The following AMDHD1 variants were observed in gnomAD, a reference collection of about 807,000 sequenced individuals.
The protein encoded by AMDHD1 is amidohydrolase domain containing 1, also known as probable imidazolonepropionase.
In AMDHD1, 45 loss-of-function variants were observed where a neutral mutation model predicts 44.1. The observed-to-expected ratio is 1.02, with a 90% CI of 0.80 to 1.31. The LOEUF (loss-of-function observed/expected upper bound fraction) is 1.31, where lower values mean the gene tolerates loss of function less well. AMDHD1 is among the 50% of genes most tolerant of loss of function. The probability of loss-of-function intolerance (pLI) is 0.00; values close to 1 mark genes in which losing one functional copy is unlikely to be tolerated. For missense variants in AMDHD1, 586 were observed against 552.1 expected (o/e 1.06, Z -0.61); for synonymous variants, 206 against 205.0 (o/e 1.00, Z -0.04).
At chr12:95,944,370 T>TA (rs2080483365) in intron 1 of AMDHD1, among the ~76,000 whole-genome samples, 1 of 151,208 alleles carries the variant, frequency 6.6e-6, no homozygotes, top group African/African-American at 2.4e-5. Context: ...TTTATTTATT[T>TA]ATTTTTGAGA....
intron 3 of AMDHD1, among the ~76,000 whole-genome samples, chr12:95,956,280 T>C (rs1324831510): frequency 1.3e-5 from 2 of 152,126 alleles, no homozygotes; most frequent in Non-Finnish European, 2.9e-5. Flanking sequence ...CCGCTAATTT[T>C]TGTATTTTTA....
intron 8 of AMDHD1, among the ~76,000 whole-genome samples, chr12:95,967,271 C>G (rs2080616345): frequency 6.6e-6 from 1 of 152,218 alleles, no homozygotes; most frequent in South Asian, 2.1e-4. Flanking sequence ...CCCACTGGGT[C>G]CCTCCCACAA....
At chr12:95,964,162 G>A (rs112093530) in intron 6 of AMDHD1, among the ~76,000 whole-genome samples, 1 of 152,048 alleles carries the variant, frequency 6.6e-6, no homozygotes, top group South Asian at 2.1e-4. Context: ...CTATACCAGC[G>A]GAGGCTGTCA....
rs1298756123 is a variant in AMDHD1, at chr12:95,968,502, T to C, written c.*659T>C. 2 of 152,206 alleles carry C rather than the reference T, an allele frequency of 1.3e-5. No individual in the cohort carries two copies. The highest frequency in any genetic ancestry group is 2.9e-5 in the Non-Finnish European group (2 of 68,032). 9.4% of individuals were successfully genotyped at this position (152,206 alleles called of 1,614,324 possible). Reference sequence around the variant, plus strand: ...TTACCAACTACAATCATGTAATTTTTTTGGAAATTTTTTAAAATTTTCGAT... The same window carrying C: ...TTACCAACTACAATCATGTAATTTTCTTGGAAATTTTTTAAAATTTTCGAT... On this transcript the variant is annotated 3_prime_UTR_variant, in exon 9 of 9. Transcript: ENST00000266736.
At chr12:95,965,171 T>C (rs2080603250) in intron 6 of AMDHD1, among the ~76,000 whole-genome samples, 1 of 151,600 alleles carries the variant, frequency 6.6e-6, no homozygotes. Flanking sequence ...TGGTGGTGGG[T>C]GCCTGTAGTC....
At chr12:95,960,853 T>C (rs1265969173) in intron 5 of AMDHD1, among the ~76,000 whole-genome samples, 5 of 152,154 alleles carry the variant, frequency 3.3e-5, no homozygotes, top group African/African-American at 9.7e-5. Flanking sequence ...GATATTAGTA[T>C]TAATAGCAAA....
chr12:95,965,850 C>A, intron 7 of AMDHD1, 71 bp downstream of exon 7: 2 of 1,047,200 alleles, frequency 1.9e-6, no homozygotes, highest in South Asian at 1.7e-5. Flanking sequence ...AAAAATATTT[C>A]ACTAGCTTTT....
chr12:95,951,382 C>T (rs1193022481), intron 1 of AMDHD1, among the ~76,000 whole-genome samples: 3 of 152,164 alleles, frequency 2.0e-5, no homozygotes, highest in African/African-American at 7.2e-5. Flanking sequence ...AACATAATGT[C>T]CTCCAGTTCT....
chr12:95,954,863 G>A (rs2080542412), intron 2 of AMDHD1, 48 bp from the exon 3 acceptor site: 2 of 1,585,026 alleles, frequency 1.3e-6, no homozygotes, highest in Non-Finnish European at 1.7e-6. Flanking sequence ...TGCTGTCTAA[G>A]TGCTCTCTAT....
chr12:95,948,209 AG>A (rs2080508781), intron 1 of AMDHD1, among the ~76,000 whole-genome samples: 1 of 127,946 alleles, frequency 7.8e-6, no homozygotes, highest in Non-Finnish European at 1.7e-5. Context: ...TCCGGGAGGG[AG>A]GTGGGGGGGT....
chr12:95,960,269 T>TACAAGC (rs2080574118), intron 4 of AMDHD1, 129 bp from the exon 5 acceptor site: 1 of 751,526 alleles, frequency 1.3e-6, no homozygotes, highest in Admixed American at 2.8e-5. Context: ...TTTGAGTCTT[T>TACAAGC]CTCTACCTTT....
In AMDHD1 at chr12:95,960,469, G is replaced by A. The variant is rs747931752; in HGVS notation, c.659G>A (p.Arg220Lys). ...CTCCCAAAGCTGAAGGAACTTGGCA[G>A]AAATGGGGAAATACACGTGGACAAT... ...NHLPKLKELG[R>K]NGEIHVDNID... is the part of the protein sequence containing the mutation. The change falls in exon 5 of 9, where the codon AGA becomes AAA. Residue 220 changes from arginine (R) to lysine (K), a missense_variant. By Grantham distance (26) the Arg-to-Lys change is conservative. Transcript: ENST00000266736. 6 of 1,614,134 alleles carry A rather than the reference G, an allele frequency of 3.7e-6. No homozygotes were observed. The highest frequency in any genetic ancestry group is 5.1e-6 in the Non-Finnish European group (6 of 1,180,060).
chr12:95,960,624 G>C lies in AMDHD1; in HGVS notation c.813+1G>C. On this transcript the variant is annotated splice_donor_variant, in intron 5 of 8. Transcript: ENST00000266736. LOFTEE classifies it high-confidence loss of function. Reference sequence around the variant, plus strand: ...ACTCCACCCGATGAAGGCTGCTGAGGTGTGGTTGACTTTTAGTTTTTCCCT... The same window carrying C: ...ACTCCACCCGATGAAGGCTGCTGAGCTGTGGTTGACTTTTAGTTTTTCCCT... The C allele has an allele frequency of 6.2e-7, 1 of 1,611,480 alleles. No individual in the cohort carries two copies. Among genetic ancestry groups the C allele is most frequent in the African/African-American group, 1.3e-5 (1 of 74,948 alleles).
chr12:95,957,030 G>A (rs917749965), intron 4 of AMDHD1, 68 bp downstream of exon 4: 9 of 1,582,028 alleles, frequency 5.7e-6, no homozygotes, highest in South Asian at 1.2e-5. Context: ...GGGTGGAGGC[G>A]CATTAGCACT....
Position 95,962,498 on chromosome 12 carries a change from C to A in AMDHD1, c.938+19C>A. On this transcript the variant is annotated intron_variant, in intron 6 of 8. Transcript: ENST00000266736. ...TGCTGAGGTAAGGTCGTTTCTCACCCCAGACCAAGAGCTGCAAGTACAAGC... is the reference window on the plus strand; with the variant it reads ...TGCTGAGGTAAGGTCGTTTCTCACCACAGACCAAGAGCTGCAAGTACAAGC... 1 of 1,523,506 alleles carries A rather than the reference C, an allele frequency of 6.6e-7. No homozygotes were observed. Among genetic ancestry groups the A allele is most frequent in the Non-Finnish European group, 8.8e-7 (1 of 1,141,098 alleles). The allele number at this position is 1,523,506 out of a possible 1,614,324, so 94.4% of individuals were successfully genotyped here.
rs1280345250 is a variant in AMDHD1 at position 95,952,975 on chromosome 12, A to ATAGC, written c.244+154_244+157dup. 8 of 563,800 alleles carry ATAGC rather than the reference A, an allele frequency of 1.4e-5. No individual in the cohort carries two copies. In the African/African-American group the frequency reaches 1.5e-4, roughly 11 times the overall value. The allele number at this position is 563,800 out of a possible 1,614,324, so 34.9% of individuals were successfully genotyped here. ...GTATTGAATTTCTATTATTGAATGT[A>ATAGC]TAGCTGCTTTCAAACATGGTTTCAC... On this transcript the variant is annotated intron_variant, in intron 2 of 8. Coordinates refer to ENST00000266736, the MANE Select transcript of AMDHD1 (RefSeq NM_152435.3).
chr12:95,966,408 G>A lies in AMDHD1; in HGVS notation c.1093G>A (p.Ala365Thr), dbSNP rs758787672. 14 of 1,614,104 alleles carry A rather than the reference G, an allele frequency of 8.7e-6. No homozygotes were observed. In the African/African-American group the frequency reaches 1.1e-4, roughly 12 times the overall value. ...AATGTCCATGCCTGAGGCCTTGGCC[G>A]CTGCCACCATCAATGCAGCTTATGC... is the stretch of plus-strand genomic sequence containing the variant. ...MRMSMPEALA[A>T]ATINAAYALG... The change falls in exon 8 of 9, where the codon GCT becomes ACT. Residue 365 changes from alanine (A) to threonine (T), a missense_variant. Transcript: ENST00000266736.
intron 4 of AMDHD1, among the ~76,000 whole-genome samples, chr12:95,957,310 T>C (rs1444215606): frequency 1.3e-5 from 2 of 152,242 alleles, no homozygotes; most frequent in Non-Finnish European, 2.9e-5. Flanking sequence ...TTAATAGTAA[T>C]GCTCTTTAAG....
Position 95,952,792 on chromosome 12 carries a change from A to G in AMDHD1, c.213A>G (p.Ile71Met). The G allele has an allele frequency of 6.2e-7, 1 of 1,611,614 alleles. No individual in the cohort carries two copies. The highest frequency in any genetic ancestry group is 8.5e-7 in the Non-Finnish European group (1 of 1,177,902). Residue 71 changes from isoleucine (I) to methionine (M), a missense_variant, in exon 2 of 9, where the codon ATA (isoleucine) becomes ATG (methionine). Ile to Met is a conservative substitution (Grantham distance 10). Transcript: ENST00000266736. The stretch of plus-strand genomic sequence containing the variant: ...TTTCTGGAGAAACTTTTGAAGAAAT[A>G]ATTGACTGCTCTGGGAAATGTATTC... The part of the protein sequence containing the change: ...RQFSGETFEE[I>M]IDCSGKCILP...
Sources: allele counts gnomAD v4.1 joint callset (sites outside exome capture counted in the v4.1 genomes callset), GRCh38; gene constraint gnomAD v4.1.1; transcripts MANE v1.5; gene names NCBI Gene and HGNC (gene_info 2026-07-23, HGNC 2026-07-21).